TMEM67: variants seen among roughly 807,000 people sequenced by gnomAD.
TMEM67 encodes meckelin.
In TMEM67, 124 loss-of-function variants were observed where a neutral mutation model predicts 136.6. That is an observed-to-expected ratio of 0.91 (90% CI 0.78 to 1.05). TMEM67 has a LOEUF of 1.05. TMEM67 is among the 50% of genes least tolerant of loss of function. The pLI is 0.00. For synonymous variants in TMEM67, 364 were observed against 390.5 expected (o/e 0.93, Z 0.80); for missense variants, 1,107 against 1,178.4 (o/e 0.94, Z 0.89).
At chr8:93,819,987 C>T (rs1809017595), downstream of TMEM67, among the ~76,000 whole-genome samples, 1 of 152,106 alleles carries the variant, frequency 6.6e-6, no homozygotes, top group African/African-American at 2.4e-5. Context: ...GGCAATGTTC[C>T]TCTTCCTTAA....
At chr8:93,804,553 A>C (rs1350032131) in intron 22 of TMEM67, among the ~76,000 whole-genome samples, 1 of 141,224 alleles carries the variant, frequency 7.1e-6, no homozygotes, top group African/African-American at 2.6e-5. Context: ...CCTTTCTTGG[A>C]AAATATCTTC....
chr8:93,791,939 G>A (rs192528856), intron 15 of TMEM67: 2,186 of 154,586 alleles, frequency 0.014, 61 homozygotes, highest in African/African-American at 0.048. Flanking sequence ...TTGGCTCACC[G>A]CAACCTCTGC....
chr8:93,804,063 T>C (rs529467647), intron 22 of TMEM67, among the ~76,000 whole-genome samples: 14 of 151,320 alleles, frequency 9.3e-5, no homozygotes, highest in Non-Finnish European at 1.6e-4. Context: ...GTATTTTTGG[T>C]ATAGATGGGG....
intron 10 of TMEM67, among the ~76,000 whole-genome samples, chr8:93,782,146 C>A (rs749426963): frequency 1.3e-5 from 2 of 152,126 alleles, no homozygotes; most frequent in Non-Finnish European, 2.9e-5. Flanking sequence ...GATCTCCTGA[C>A]CTCGTGATCC....
chr8:93,774,130 T>C (rs1444059775), intron 7 of TMEM67, among the ~76,000 whole-genome samples: 1 of 152,032 alleles, frequency 6.6e-6, no homozygotes, highest in Non-Finnish European at 1.5e-5. Flanking sequence ...TCCTCCTGCC[T>C]CAGCCTCCTG....
At chr8:93,770,211 T>C (rs1041480452) in intron 6 of TMEM67, among the ~76,000 whole-genome samples, 5 of 152,168 alleles carry the variant, frequency 3.3e-5, no homozygotes, top group Non-Finnish European at 7.4e-5. Context: ...ACATTTGCTT[T>C]ATCTCTCTGT....
At chr8:93,796,081 GA>G (rs1814603099) in intron 18 of TMEM67, 94 bp downstream of exon 18, 4 of 868,380 alleles carry the variant, frequency 4.6e-6, no homozygotes, top group Non-Finnish European at 7.7e-6. Context: ...TCTTTGGCGT[GA>G]AATTCACTTT....
At chr8:93,770,709 T>C (rs1813291418) in intron 6 of TMEM67, among the ~76,000 whole-genome samples, 1 of 152,108 alleles carries the variant, frequency 6.6e-6, no homozygotes. Context: ...GTCCAGTTAT[T>C]GGTGATAGTA....
chr8:93,763,264 T>C (rs928712419), intron 3 of TMEM67, among the ~76,000 whole-genome samples: 1 of 152,172 alleles, frequency 6.6e-6, no homozygotes, highest in Admixed American at 6.6e-5. Flanking sequence ...CCATAGTATT[T>C]TGTAGCATGG....
intron 11 of TMEM67, among the ~76,000 whole-genome samples, chr8:93,783,470 T>C (rs2130678130): frequency 6.6e-6 from 1 of 152,304 alleles, no homozygotes; most frequent in South Asian, 2.1e-4. Flanking sequence ...CAAATAAAAA[T>C]AATTCCTTCA....
intron 21 of TMEM67, 137 bp downstream of exon 21, chr8:93,799,895 T>G: frequency 3.2e-6 from 2 of 634,800 alleles, no homozygotes; most frequent in African/African-American, 1.9e-5. Context: ...CAATAGCTAA[T>G]GGTCAGTTCT....
intron 18 of TMEM67, among the ~76,000 whole-genome samples, chr8:93,796,535 T>C (rs1049654759): frequency 1.3e-5 from 2 of 152,208 alleles, no homozygotes; most frequent in Non-Finnish European, 2.9e-5. Flanking sequence ...GGGAGCTTCT[T>C]GAGGTGAAGT....
Position 93,758,257 on chromosome 8 carries a change from C to T in TMEM67, c.313-226C>T, listed in dbSNP as rs570179752. Among the ~76,000 whole-genome samples, 275 of 152,166 alleles carry T rather than the reference C, an allele frequency of 1.8e-3. 1 individual carries two copies. Among genetic ancestry groups the T allele is most frequent in the African/African-American group, 6.1e-3 (255 of 41,506 alleles). On this transcript the variant is annotated intron_variant, in intron 2 of 27. Coordinates refer to ENST00000453321, the MANE Select transcript of TMEM67 (RefSeq NM_153704.6). ...TCCTGAAGAAGAGAGAACTATTATC[C>T]GGAGTTAATCCTTTAATAGTTTTCA... is the stretch of plus-strand genomic sequence containing the variant.
the TMEM67 span, among the ~76,000 whole-genome samples, chr8:93,828,710 A>G: frequency 1.3e-5 from 2 of 150,558 alleles, no homozygotes; most frequent in Non-Finnish European, 2.9e-5. Context: ...ACACCACAGC[A>G]TTCCAGCCTG....
chr8:93,821,387 TCCTC>T (rs1388883001), downstream of TMEM67, among the ~76,000 whole-genome samples: 1 of 152,138 alleles, frequency 6.6e-6, no homozygotes, highest in Admixed American at 6.6e-5. Flanking sequence ...GCTCAAACGA[TCCTC>T]CCACCTCAGC....
chr8:93,821,912 A>G (rs949403330), downstream of TMEM67, among the ~76,000 whole-genome samples: 1 of 152,182 alleles, frequency 6.6e-6, no homozygotes, highest in African/African-American at 2.4e-5. Context: ...AATAAGACCC[A>G]AAAAAGATGA....
intron 16 of TMEM67, chr8:93,794,768 C>G (rs1586066075): frequency 1.3e-5 from 2 of 155,458 alleles, no homozygotes; most frequent in African/African-American, 4.8e-5. Flanking sequence ...GTCTGGCACT[C>G]TACCAGGAGC....
intron 23 of TMEM67, among the ~76,000 whole-genome samples, chr8:93,806,502 T>G (rs1044136679): frequency 6.6e-6 from 1 of 152,172 alleles, no homozygotes; most frequent in African/African-American, 2.4e-5. Flanking sequence ...TATTAGTAAT[T>G]GCTGAAGCTA....
chr8:93,762,617 A>G (rs1011230985), intron 3 of TMEM67, among the ~76,000 whole-genome samples: 1 of 152,082 alleles, frequency 6.6e-6, no homozygotes, highest in Admixed American at 6.5e-5. Flanking sequence ...CTCCATTGAA[A>G]ATATTAACTT....
Sources: gnomAD v4.1 joint callset for allele counts (sites outside exome capture counted in the v4.1 genomes callset) on GRCh38, gnomAD v4.1.1 for gene constraint, MANE v1.5 for transcripts, NCBI Gene and HGNC (gene_info 2026-07-23, HGNC 2026-07-21) for gene names.